Variants in NBAS observed in about 807,000 individuals in gnomAD.
NBAS encodes the protein NBAS subunit of NRZ tethering complex, also known as NAG/BC035112 fusion.
NBAS carries 219 observed loss-of-function variants against 302.5 expected under a neutral mutation model. The observed-to-expected ratio is 0.72, with a 90% CI of 0.65 to 0.81. The LOEUF (loss-of-function observed/expected upper bound fraction) is 0.81. NBAS is among the 30% of genes least tolerant of loss of function. The probability of loss-of-function intolerance (pLI) is 0.00; values close to 1 mark genes in which losing one functional copy is unlikely to be tolerated. For synonymous variants in NBAS, 1,118 were observed against 1,021.6 expected, an observed-to-expected ratio of 1.09 and a Z score of -1.80; for missense variants, 2,932 against 2,841.6, an observed-to-expected ratio of 1.03 and a Z score of -0.72.
At chr2:15,005,393 G>A in the NBAS span, among the ~76,000 whole-genome samples, 1 of 152,314 alleles carries the variant, frequency 6.6e-6, no homozygotes, top group South Asian at 2.1e-4. Flanking sequence ...TTATTTGGAA[G>A]AGCGATTCAT....
At chr2:15,014,398 A>G in the NBAS span, among the ~76,000 whole-genome samples, 1 of 152,310 alleles carries the variant, frequency 6.6e-6, no homozygotes, top group East Asian at 1.9e-4. Flanking sequence ...ACAAGTCTCA[A>G]AAGATTTTTT....
At chr2:14,978,023 T>A in the NBAS span, among the ~76,000 whole-genome samples, 1 of 152,174 alleles carries the variant, frequency 6.6e-6, no homozygotes, top group East Asian at 1.9e-4. Context: ...AACTGTCTCC[T>A]ATTTTTCTAC....
chr2:15,034,216 A>G, the NBAS span, among the ~76,000 whole-genome samples: 23 of 79,880 alleles, frequency 2.9e-4, 1 homozygote, highest in South Asian at 7.8e-3. Flanking sequence ...AAAGGAAAGA[A>G]AGAGAGGGAA....
chr2:14,883,688 T>A, the NBAS span, among the ~76,000 whole-genome samples: 4 of 152,094 alleles, frequency 2.6e-5, no homozygotes, highest in African/African-American at 9.7e-5. Context: ...CAGAAATGAC[T>A]GCTAAAAAGG....
At chr2:15,017,735 G>C in the NBAS span, among the ~76,000 whole-genome samples, 9 of 152,052 alleles carry the variant, frequency 5.9e-5, no homozygotes, top group African/African-American at 1.9e-4. Context: ...GAAAACAGTA[G>C]AGAGGTTCCT....
intron 28 of NBAS, among the ~76,000 whole-genome samples, chr2:15,390,573 G>A (rs905670653): frequency 6.6e-6 from 1 of 151,066 alleles, no homozygotes; most frequent in Non-Finnish European, 1.5e-5. Context: ...ATGGGATCAC[G>A]CTAAAAGAGT....
the NBAS span, among the ~76,000 whole-genome samples, chr2:14,949,158 A>G: frequency 6.6e-6 from 1 of 152,180 alleles, no homozygotes; most frequent in African/African-American, 2.4e-5. Context: ...CAATAGGGAA[A>G]ACACTCCAGG....
chr2:15,162,969 G>C (rs1247786631), downstream of NBAS, among the ~76,000 whole-genome samples: 1 of 152,140 alleles, frequency 6.6e-6, no homozygotes, highest in East Asian at 1.9e-4. Flanking sequence ...TTATCATAAT[G>C]AGTTTTCTTT....
intron 11 of NBAS, among the ~76,000 whole-genome samples, chr2:15,498,680 CTG>C (rs1681163950): frequency 1.3e-5 from 2 of 152,204 alleles, no homozygotes; most frequent in Non-Finnish European, 2.9e-5. Flanking sequence ...TTTCCCTTTG[CTG>C]TTCTCATGAT....
intron 44 of NBAS, among the ~76,000 whole-genome samples, chr2:15,263,009 A>G (rs1208283413): frequency 6.6e-6 from 1 of 152,226 alleles, no homozygotes; most frequent in Non-Finnish European, 1.5e-5. Context: ...GCCCAAATCC[A>G]GGTGTTTGCT....
the NBAS span, among the ~76,000 whole-genome samples, chr2:15,161,770 T>C: frequency 2.1e-4 from 32 of 152,260 alleles, no homozygotes; most frequent in East Asian, 5.2e-3. Context: ...GCAAACCAAG[T>C]GGTTGCTGTC....
At chr2:15,356,161 C>T in intron 33 of NBAS, 142 bp downstream of exon 33, 1 of 713,886 alleles carries the variant, frequency 1.4e-6, no homozygotes, top group South Asian at 1.5e-5. Flanking sequence ...AGCCTATATA[C>T]TTACCAGTGC....
At chr2:15,034,292 G>C in the NBAS span, among the ~76,000 whole-genome samples, 1 of 96,338 alleles carries the variant, frequency 1.0e-5, no homozygotes, top group Admixed American at 1.0e-4. Context: ...AAGAAAGAAA[G>C]AAAGAAAGAA....
At chr2:15,344,931 T>G (rs1572693116) in intron 35 of NBAS, among the ~76,000 whole-genome samples, 2 of 152,308 alleles carry the variant, frequency 1.3e-5, no homozygotes, top group East Asian at 3.9e-4. Context: ...TCTCAACAGA[T>G]GCAGAAAAGG....
At chr2:15,049,382 C>A in the NBAS span, among the ~76,000 whole-genome samples, 3 of 152,324 alleles carry the variant, frequency 2.0e-5, no homozygotes, top group Non-Finnish European at 2.9e-5. Context: ...TGGGGCCTTG[C>A]CTTCTGGGCT....
At chr2:15,289,071 T>C (rs1413476515) in intron 41 of NBAS, among the ~76,000 whole-genome samples, 2 of 152,182 alleles carry the variant, frequency 1.3e-5, no homozygotes, top group Non-Finnish European at 2.9e-5. Context: ...GCAATTCTTA[T>C]TTTTTATTTA....
At chr2:14,824,934 T>C in the NBAS span, among the ~76,000 whole-genome samples, 1 of 152,270 alleles carries the variant, frequency 6.6e-6, no homozygotes, top group Non-Finnish European at 1.5e-5. Context: ...AAGCAAAACC[T>C]TTCTGTCCAA....
chr2:15,314,004 A>T (rs1671394373), intron 38 of NBAS, among the ~76,000 whole-genome samples: 1 of 152,200 alleles, frequency 6.6e-6, no homozygotes, highest in Non-Finnish European at 1.5e-5. Context: ...GGGTTCTATT[A>T]TCCAGACAGC....
the NBAS span, among the ~76,000 whole-genome samples, chr2:14,792,795 A>G: frequency 2.0e-5 from 3 of 152,226 alleles, no homozygotes; most frequent in Admixed American, 6.5e-5. Context: ...TTGAATGAGA[A>G]AAGGTAATCA....
Sources: allele counts gnomAD v4.1 joint callset (sites outside exome capture counted in the v4.1 genomes callset), GRCh38; gene constraint gnomAD v4.1.1; transcripts MANE v1.5; gene names NCBI Gene and HGNC (gene_info 2026-07-23, HGNC 2026-07-21).